RNLS: variants seen among roughly 807,000 people sequenced by gnomAD.
RNLS encodes renalase, FAD dependent amine oxidase, also known as renalase.
A neutral mutation model predicts 39.8 loss-of-function variants in RNLS; 39 were observed. That is an observed-to-expected ratio of 0.98 (90% confidence interval 0.76 to 1.28). The LOEUF is 1.28. Ranked by LOEUF, RNLS falls within the 50% of genes most tolerant of loss-of-function variation. RNLS has a pLI of 0.00. For missense variants in RNLS, 410 were observed against 413.3 expected (o/e 0.99, Z 0.07); for synonymous variants, 147 against 150.7 (o/e 0.98, Z 0.18).
chr10:88,195,052 T>A, the RNLS span, among the ~76,000 whole-genome samples: 1 of 152,104 alleles, frequency 6.6e-6, no homozygotes, highest in Non-Finnish European at 1.5e-5. Flanking sequence ...ACCTGGTGGG[T>A]GTTGGATCCA....
At chr10:88,531,642 T>A (rs532437154) in intron 4 of RNLS, among the ~76,000 whole-genome samples, 3 of 152,208 alleles carry the variant, frequency 2.0e-5, no homozygotes, top group African/African-American at 7.2e-5. Context: ...ATTCATTCAG[T>A]AATTTTTATA....
At chr10:88,391,846 G>A (rs1386784698) in intron 4 of RNLS, among the ~76,000 whole-genome samples, 1 of 151,958 alleles carries the variant, frequency 6.6e-6, no homozygotes, top group South Asian at 2.1e-4. Flanking sequence ...AAGCTTTTTT[G>A]TCTTTTACTC....
intron 6 of RNLS, among the ~76,000 whole-genome samples, chr10:88,298,635 T>C (rs1447988539): frequency 6.6e-6 from 1 of 152,242 alleles, no homozygotes; most frequent in Non-Finnish European, 1.5e-5. Context: ...CATAAATCAA[T>C]TGACTATAGG....
the RNLS span, among the ~76,000 whole-genome samples, chr10:88,242,950 CAAA>C: frequency 1.4e-5 from 1 of 71,468 alleles, no homozygotes; most frequent in Non-Finnish European, 3.0e-5. Context: ...TCTGTCAAAA[CAAA>C]CAAACAAACA....
At chr10:88,406,568 T>C (rs1288330030) in intron 4 of RNLS, among the ~76,000 whole-genome samples, 2 of 152,048 alleles carry the variant, frequency 1.3e-5, no homozygotes, top group African/African-American at 2.4e-5. Context: ...CAAAGTTTCC[T>C]GATGTGGTGA....
At chr10:88,268,870 G>A (rs939336279), downstream of RNLS, among the ~76,000 whole-genome samples, 9 of 152,206 alleles carry the variant, frequency 5.9e-5, no homozygotes, top group South Asian at 2.1e-4. Context: ...GAACCAGTTG[G>A]TGTGGCCAAT....
chr10:88,191,221 G>C, the RNLS span, among the ~76,000 whole-genome samples: 1 of 152,134 alleles, frequency 6.6e-6, no homozygotes, highest in African/African-American at 2.4e-5. Context: ...TGACTCAGCA[G>C]CTCCCTTCTT....
chr10:88,414,659 T>A (rs960456195), intron 4 of RNLS, among the ~76,000 whole-genome samples: 1 of 152,240 alleles, frequency 6.6e-6, no homozygotes, highest in African/African-American at 2.4e-5. Flanking sequence ...GCTTTTTGAC[T>A]CTTATTTGAA....
At chr10:88,446,859 A>T (rs10736355) in intron 4 of RNLS, among the ~76,000 whole-genome samples, 50,127 of 152,180 alleles carry the variant, frequency 0.33, 9,748 homozygotes, top group African/African-American at 0.54. Flanking sequence ...CTGGTTCAAC[A>T]TATGCAAATC....
At chr10:88,372,472 C>T (rs1227365168) in intron 4 of RNLS, among the ~76,000 whole-genome samples, 1 of 152,120 alleles carries the variant, frequency 6.6e-6, no homozygotes, top group Non-Finnish European at 1.5e-5. Flanking sequence ...CATATGAAGT[C>T]TGCTGCTTTA....
chr10:88,263,265 CAG>C, the RNLS span, among the ~76,000 whole-genome samples: 1 of 152,056 alleles, frequency 6.6e-6, no homozygotes, highest in African/African-American at 2.4e-5. Flanking sequence ...GATTCTGACT[CAG>C]AGAAATTATA....
chr10:88,485,671 C>T (rs1305904576), intron 4 of RNLS, among the ~76,000 whole-genome samples: 1 of 148,702 alleles, frequency 6.7e-6, no homozygotes, highest in Non-Finnish European at 1.5e-5. Flanking sequence ...CGAATATGAG[C>T]CATTTGCAGT....
At chr10:88,506,968 T>G (rs1845830673) in intron 4 of RNLS, among the ~76,000 whole-genome samples, 1 of 152,050 alleles carries the variant, frequency 6.6e-6, no homozygotes, top group Admixed American at 6.6e-5. Context: ...TGAACTATAT[T>G]AAAAAGTGAT....
the RNLS span, among the ~76,000 whole-genome samples, chr10:88,216,909 GT>G: frequency 2.0e-5 from 3 of 152,210 alleles, no homozygotes; most frequent in East Asian, 5.8e-4. Flanking sequence ...GCAGAGAAAG[GT>G]GTGGTGTGTG....
intron 5 of RNLS, among the ~76,000 whole-genome samples, chr10:88,333,626 A>AT (rs111347787): frequency 1.4e-4 from 21 of 152,008 alleles, no homozygotes; most frequent in African/African-American, 4.6e-4. Context: ...TGGGAATTTC[A>AT]TTTTTTTTCC....
rs577838661 is a variant in RNLS, at chr10:88,310,801, C to CAAAAAAAAAAAA, written c.876+3653_876+3664dup. Among the ~76,000 whole-genome samples the CAAAAAAAAAAAA allele has an allele frequency of 1.1e-3, 22 of 19,596 alleles. 1 individual carries two copies. The highest frequency in any genetic ancestry group is 2.6e-3 in the African/African-American group (13 of 5,012). The allele number at this position is 19,596 out of a possible 152,430, so 12.9% of individuals were successfully genotyped here. On this transcript the variant is annotated intron_variant, in intron 6 of 6. Transcript: ENST00000331772. ...TGACAGATTTAGAGCCTACCTCTGCCAAAAAAAAAAAAAAAAAAAAAAAAA... is the reference window on the plus strand; with the variant it reads ...TGACAGATTTAGAGCCTACCTCTGCCAAAAAAAAAAAAAAAAAAAAAAAAAAAAAAAAAAAAA...
intron 4 of RNLS, among the ~76,000 whole-genome samples, chr10:88,559,732 T>C (rs1220827159): frequency 1.3e-5 from 2 of 151,964 alleles, no homozygotes; most frequent in Middle Eastern, 3.2e-3. Context: ...AAAGGAATCC[T>C]GGGAAAACAG....
the RNLS span, among the ~76,000 whole-genome samples, chr10:88,234,869 G>A: frequency 1.3e-5 from 2 of 152,166 alleles, no homozygotes; most frequent in South Asian, 4.1e-4. Flanking sequence ...AGGAGGTGGT[G>A]TTCAAGATGA....
chr10:88,230,330 C>G, the RNLS span, among the ~76,000 whole-genome samples: 3 of 152,248 alleles, frequency 2.0e-5, no homozygotes, highest in Non-Finnish European at 4.4e-5. Flanking sequence ...TTTTCTTTCT[C>G]CTGACCCGTG....
Sources: allele counts gnomAD v4.1 joint callset (sites outside exome capture counted in the v4.1 genomes callset), GRCh38; gene constraint gnomAD v4.1.1; transcripts MANE v1.5; gene names NCBI Gene and HGNC (gene_info 2026-07-23, HGNC 2026-07-21).